CD177: variants seen among roughly 807,000 people sequenced by gnomAD.
The protein encoded by CD177 is CD177 molecule.
A neutral mutation model predicts 38.1 loss-of-function variants in CD177; 41 were observed. The ratio of observed to expected loss-of-function variants is 1.07; its 90% CI spans 0.84 to 1.39. The LOEUF is 1.39. Among genes scored for constraint, CD177 ranks in the 40% most tolerant of loss-of-function variants. CD177 has a pLI of 0.00. For synonymous variants in CD177, 236 were observed against 216.7 expected, an observed-to-expected ratio of 1.09 and a Z score of -0.78; for missense variants, 619 against 523.8, an observed-to-expected ratio of 1.18 and a Z score of -1.77.
chr19:43,360,327 A>G lies in CD177; in HGVS notation c.682A>G (p.Thr228Ala), dbSNP rs753281745. ...ACACGGAAACTTGGCTCAAGAACCC[A>G]CTGATTGGACCACATCGAATACCGA... ...MTHGNLAQEP[T>A]DWTTSNTEMC... is the part of the protein sequence containing the mutation. The change falls in exon 6 of 9, where the codon ACT (threonine) becomes GCT (alanine). Residue 228 changes from threonine to alanine, a missense_variant. Physicochemically the swap from Thr to Ala is moderately conservative, Grantham distance 58. Coordinates refer to ENST00000618265, the MANE Select transcript of CD177 (RefSeq NM_020406.4). 1 of 1,612,934 alleles carries G rather than the reference A, an allele frequency of 6.2e-7. No homozygotes were observed. Among genetic ancestry groups the G allele is most frequent in the South Asian group, 1.1e-5 (1 of 90,700 alleles).
At chr19:43,354,503 C>T (rs1172064116) in intron 3 of CD177, 111 bp downstream of exon 3, 8 of 1,137,686 alleles carry the variant, frequency 7.0e-6, no homozygotes, top group Admixed American at 3.9e-5. Context: ...TCCCGACCCT[C>T]GCTGGCTCCA....
chr19:43,355,553 G>C, intron 3 of CD177, 108 bp from the exon 4 acceptor site: 1 of 1,338,986 alleles, frequency 7.5e-7, no homozygotes. Context: ...CTTTGGGAAG[G>C]CTGAGCAGGT....
In CD177 at chr19:43,361,563, C is replaced by T; in HGVS notation, c.1065C>T (p.Tyr355=). 1 of 1,571,666 alleles carries T rather than the reference C, an allele frequency of 6.4e-7. No individual in the cohort carries two copies. Among genetic ancestry groups the T allele is most frequent in the African/African-American group, 1.4e-5 (1 of 73,436 alleles). ...PRGATHCYDG[Y]IHLSGGGLST... is the part of the protein sequence containing the mutation. ...GCGCCACTCATTGTTATGATGGGTA[C>T]ATTCATCTCTCAGGAGGTGAGTGCT... Residue 355 remains tyrosine, a synonymous_variant, in exon 8 of 9, where the codon TAC becomes TAT. Transcript: ENST00000618265.
At chr19:43,362,040 G>T in intron 8 of CD177, 48 bp from the exon 9 acceptor site, 1 of 1,539,726 alleles carries the variant, frequency 6.5e-7, no homozygotes, top group African/African-American at 1.4e-5. Context: ...TTTACAACTT[G>T]GCTGGGCTGT....
downstream of CD177, chr19:43,363,261 G>C (rs1286258339): frequency 1.3e-5 from 2 of 152,184 alleles, no homozygotes; most frequent in African/African-American, 4.8e-5. Context: ...GGGCTTGAGA[G>C]AACTCCAGAA....
At chr19:43,361,070 G>C in intron 6 of CD177, 73 bp from the exon 7 acceptor site, 1 of 655,988 alleles carries the variant, frequency 1.5e-6, no homozygotes, top group South Asian at 1.9e-5. Context: ...GAAGGGCAGG[G>C]AGTCCAGCTC....
In CD177 at chr19:43,362,167, C is replaced by G. The variant is rs760013413; in HGVS notation, c.1161C>G (p.Ile387Met). ...SSFLLNHTRQ[I>M]GIFSAREKRD... ...TCTTGTTGAACCACACCAGACAAAT[C>G]GGGATCTTCTCTGCGCGTGAGAAGC... The change falls in exon 9 of 9, where the codon ATC becomes ATG. Residue 387 changes from isoleucine (I) to methionine (M), a missense_variant. Physicochemically the swap from Ile to Met is conservative, Grantham distance 10. Coordinates refer to ENST00000618265, the MANE Select transcript of CD177 (RefSeq NM_020406.4). 6.2e-7 allele frequency: 1 copy of G among 1,613,582 alleles called. No individual in the cohort carries two copies. The highest frequency in any genetic ancestry group is 1.3e-5 in the African/African-American group (1 of 74,880).
At chr19:43,355,602 T>C (rs1420840654) in intron 3 of CD177, 59 bp from the exon 4 acceptor site, 3 of 1,605,664 alleles carry the variant, frequency 1.9e-6, no homozygotes, top group East Asian at 4.5e-5. Context: ...GCAGAGAAGG[T>C]ATCTGATCAA....
chr19:43,362,439 TC>T lies in CD177; in HGVS notation c.*123del. The T allele has an allele frequency of 1.7e-6, 1 of 584,840 alleles. No individual in the cohort carries two copies. The highest frequency in any genetic ancestry group is 2.2e-5 in the South Asian group (1 of 45,976). The allele number at this position is 584,840 out of a possible 1,614,324, so 36.2% of individuals were successfully genotyped here. A position where few individuals can be genotyped will look rare whatever the true frequency, so the allele number is the denominator to read the frequency against. Reference sequence around the variant, plus strand: ...TTCCCATTCTGTCCATGAATCATCTTCCCCACACACAATCATTCATATCTAC... The same window carrying T: ...TTCCCATTCTGTCCATGAATCATCTTCCCACACACAATCATTCATATCTAC... On this transcript the variant is annotated 3_prime_UTR_variant, in exon 9 of 9. Coordinates refer to ENST00000618265, the MANE Select transcript of CD177 (RefSeq NM_020406.4).
intron 2 of CD177, 42 bp from the exon 3 acceptor site, chr19:43,354,165 G>A (rs4803613): frequency 0.33 from 520,754 of 1,589,160 alleles, 91,244 homozygotes; most frequent in East Asian, 0.7. Context: ...GGACCCTGGA[G>A]GCCTGACCTC....
chr19:43,354,452 C>A (rs1366837127), intron 3 of CD177, 60 bp downstream of exon 3: 1 of 1,570,312 alleles, frequency 6.4e-7, no homozygotes, highest in East Asian at 2.2e-5. Context: ...CCGCTGAGCA[C>A]AGAGGGGCTG....
At chr19:43,354,021 C>T (rs2122237804) in intron 2 of CD177, 28 bp downstream of exon 2, 2 of 1,605,204 alleles carry the variant, frequency 1.2e-6, no homozygotes, top group Non-Finnish European at 1.7e-6. Context: ...TGCAGAGACC[C>T]CGCCCTGTCC....
intron 3 of CD177, 120 bp downstream of exon 3, chr19:43,354,512 C>CGTATTGGGGTCATTGGTGTTCTTGTAGTT: frequency 1.0e-6 from 1 of 1,003,208 alleles, no homozygotes; most frequent in Non-Finnish European, 1.5e-6. Context: ...TCGCTGGCTC[C>CGTATTGGGGTCATTGGTGTTCTTGTAGTT]ATCCCTCCCC....
At chr19:43,364,110 G>A (rs148985247), downstream of CD177, among the ~76,000 whole-genome samples, 127 of 152,224 alleles carry the variant, frequency 8.3e-4, 1 homozygote, top group Non-Finnish European at 1.5e-3. Flanking sequence ...AGAGTCCTCC[G>A]TACAGATGAC....
chr19:43,355,782 A>G lies in CD177; in HGVS notation c.501A>G (p.Gly167=), dbSNP rs1224686083. ...ATGATGGCCTCCTCAGGCTCAGGGG[A>G]GGTAAGCCTGGGACATCGGGGTCCC... ...HCYDGLLRLR[G]GGIFSNLRVQ... The change falls in exon 4 of 9, where the codon GGA becomes GGG. Residue 167 remains glycine (G), a splice_region_variant and synonymous_variant. Coordinates refer to ENST00000618265, the MANE Select transcript of CD177 (RefSeq NM_020406.4). 5.0e-6 allele frequency: 8 copies of G among 1,612,786 alleles called. No individual in the cohort carries two copies. The highest frequency in any genetic ancestry group is 6.8e-6 in the Non-Finnish European group (8 of 1,179,436).
chr19:43,355,123 TTTTTTTC>T (rs1298710647), intron 3 of CD177, among the ~76,000 whole-genome samples: 6 of 117,864 alleles, frequency 5.1e-5, no homozygotes, highest in Admixed American at 8.2e-5. Flanking sequence ...TTTTTTTTTT[TTTTTTTC>T]TGAGAAAGCG....
At chr19:43,364,344 C>CTTTGGATGT (rs1970012262), downstream of CD177, among the ~76,000 whole-genome samples, 1 of 152,210 alleles carries the variant, frequency 6.6e-6, no homozygotes, top group African/African-American at 2.4e-5. Context: ...CCAAAACCTC[C>CTTTGGATGT]TTTGGATGTT....
Position 43,360,283 on chromosome 19 carries a change from G to A in CD177, c.638G>A (p.Arg213Gln), listed in dbSNP as rs778544491. ...TCCCCAGATTTTCTGACCTGTCATC[G>A]GGGGACCACCATTATGACACACGGA... The part of the protein sequence containing the change: ...CDMKDFLTCH[R>Q]GTTIMTHGNL... Residue 213 changes from arginine (R) to glutamine (Q), a missense_variant, in exon 6 of 9, where the codon CGG (arginine) becomes CAG (glutamine). Physicochemically the swap from Arg to Gln is conservative, Grantham distance 43 (BLOSUM62 1). Transcript: ENST00000618265. 2.0e-5 allele frequency: 32 copies of A among 1,612,832 alleles called. No homozygotes were observed. The highest frequency in any genetic ancestry group is 2.2e-5 in the East Asian group (1 of 44,856).
At chr19:43,354,788 T>G (rs1969899736) in intron 3 of CD177, among the ~76,000 whole-genome samples, 1 of 152,146 alleles carries the variant, frequency 6.6e-6, no homozygotes, top group Admixed American at 6.5e-5. Context: ...ACTTTCCACT[T>G]TCCTTGTCTG....
Sources: allele counts gnomAD v4.1 joint callset (sites outside exome capture counted in the v4.1 genomes callset), GRCh38; gene constraint gnomAD v4.1.1; transcripts MANE v1.5; gene names NCBI Gene and HGNC (gene_info 2026-07-23, HGNC 2026-07-21).